RNF150: variants seen among roughly 807,000 people sequenced by gnomAD.
RNF150 encodes the protein ring finger protein 150.
In RNF150, 24 loss-of-function variants were observed where a neutral mutation model predicts 39.3. The observed-to-expected ratio is 0.61, with a 90% CI of 0.44 to 0.86. The LOEUF is 0.86. RNF150 is among the 40% of genes least tolerant of loss of function. The pLI, the probability that RNF150 is intolerant of heterozygous loss-of-function variation, is 0.00. For synonymous variants in RNF150, 255 were observed against 227.3 expected (o/e 1.12, Z -1.10); for missense variants, 502 against 587.8 (o/e 0.85, Z 1.51).
chr4:141,145,233 G>A (rs1012474629), intron 1 of RNF150, among the ~76,000 whole-genome samples: 4 of 152,164 alleles, frequency 2.6e-5, no homozygotes, highest in Non-Finnish European at 5.9e-5. Flanking sequence ...ATAAGATGGT[G>A]TAGAATTTAA....
At chr4:140,996,530 C>A (rs1272027271) in intron 1 of RNF150, among the ~76,000 whole-genome samples, 1 of 152,218 alleles carries the variant, frequency 6.6e-6, no homozygotes, top group Non-Finnish European at 1.5e-5. Flanking sequence ...ATTTAACCTG[C>A]AGCTTCTTCA....
chr4:140,992,086 T>C (rs1734214263), intron 1 of RNF150, among the ~76,000 whole-genome samples: 1 of 152,222 alleles, frequency 6.6e-6, no homozygotes, highest in South Asian at 2.1e-4. Flanking sequence ...ACCTGAGTTG[T>C]CTTTATATAA....
At chr4:140,903,487 G>C (rs1013588536) in intron 6 of RNF150, among the ~76,000 whole-genome samples, 2 of 152,062 alleles carry the variant, frequency 1.3e-5, no homozygotes, top group African/African-American at 4.8e-5. Context: ...ATTTACACGA[G>C]ACCCTCCTCA....
intron 6 of RNF150, among the ~76,000 whole-genome samples, chr4:140,872,554 T>G (rs942347148): frequency 2.2e-5 from 2 of 90,008 alleles, no homozygotes; most frequent in Non-Finnish European, 4.1e-5. Context: ...GTTAGGAAAC[T>G]ATTACAGAAC....
chr4:140,972,842 A>G (rs944133625), intron 1 of RNF150, among the ~76,000 whole-genome samples: 1 of 152,176 alleles, frequency 6.6e-6, no homozygotes, highest in Non-Finnish European at 1.5e-5. Flanking sequence ...TAATGTGATA[A>G]TAAGTATCAT....
At chr4:141,201,816 C>T (rs13435713) in intron 1 of RNF150, among the ~76,000 whole-genome samples, 43,818 of 151,812 alleles carry the variant, frequency 0.29, 6,694 homozygotes, top group African/African-American at 0.39. Flanking sequence ...ACTTTAGAAA[C>T]CTTGTGCTAT....
chr4:141,179,779 C>T (rs1185890800), intron 1 of RNF150, among the ~76,000 whole-genome samples: 1 of 152,122 alleles, frequency 6.6e-6, no homozygotes. Flanking sequence ...AATTAGTACT[C>T]ATTACTGTGG....
intron 1 of RNF150, among the ~76,000 whole-genome samples, chr4:141,025,495 A>G (rs1356264552): frequency 6.6e-6 from 1 of 152,140 alleles, no homozygotes; most frequent in Non-Finnish European, 1.5e-5. Context: ...TTAAAAAAGT[A>G]CTCAAAGATA....
intron 1 of RNF150, among the ~76,000 whole-genome samples, chr4:141,150,685 C>T (rs1727282031): frequency 6.6e-6 from 1 of 152,100 alleles, no homozygotes; most frequent in Admixed American, 6.6e-5. Context: ...TACTCTTTTT[C>T]CCCCAACTGA....
intron 1 of RNF150, among the ~76,000 whole-genome samples, chr4:141,187,967 T>G (rs1728042502): frequency 6.6e-6 from 1 of 152,238 alleles, no homozygotes; most frequent in Admixed American, 6.5e-5. Flanking sequence ...TTTGGTATGT[T>G]TTTCCAGTGG....
intron 1 of RNF150, among the ~76,000 whole-genome samples, chr4:141,076,987 T>C (rs1737919629): frequency 6.6e-6 from 1 of 152,112 alleles, no homozygotes; most frequent in Non-Finnish European, 1.5e-5. Context: ...AAAATGTAAG[T>C]TTCAAGGGTT....
At chr4:141,112,973 T>G (rs1739435512) in intron 1 of RNF150, among the ~76,000 whole-genome samples, 2 of 152,084 alleles carry the variant, frequency 1.3e-5, no homozygotes, top group African/African-American at 4.8e-5. Flanking sequence ...TTTCATTAAG[T>G]TGATCTTCAA....
intron 1 of RNF150, among the ~76,000 whole-genome samples, chr4:141,125,330 C>T (rs565730990): frequency 5.9e-5 from 9 of 152,288 alleles, no homozygotes; most frequent in Admixed American, 3.3e-4. Flanking sequence ...CACAGCACAA[C>T]GCTGCCTTGT....
At chr4:141,121,703 T>C (rs1337891561) in intron 1 of RNF150, among the ~76,000 whole-genome samples, 1 of 152,176 alleles carries the variant, frequency 6.6e-6, no homozygotes, top group African/African-American at 2.4e-5. Context: ...CACTAATTCA[T>C]GATTTAAGCA....
At chr4:141,158,883 T>A (rs1324174499) in intron 1 of RNF150, among the ~76,000 whole-genome samples, 1 of 152,216 alleles carries the variant, frequency 6.6e-6, no homozygotes, top group African/African-American at 2.4e-5. Flanking sequence ...TAATCTGAAA[T>A]TTTGCCATTA....
At chr4:140,917,698 C>T (rs1730897984) in intron 5 of RNF150, among the ~76,000 whole-genome samples, 1 of 152,096 alleles carries the variant, frequency 6.6e-6, no homozygotes, top group African/African-American at 2.4e-5. Flanking sequence ...ACCTAATAGA[C>T]ATCTACAGAA....
At chr4:141,167,309 TG>T (rs1727622469) in intron 1 of RNF150, among the ~76,000 whole-genome samples, 1 of 114,542 alleles carries the variant, frequency 8.7e-6, no homozygotes, top group African/African-American at 2.9e-5. Flanking sequence ...CACAAACAAG[TG>T]GAAAAACAGT....
rs186923605 is a variant in RNF150, at chr4:140,969,608, T to C, written c.485-1735A>G. On this transcript the variant is annotated intron_variant, in intron 1 of 6. Coordinates refer to ENST00000515673, the MANE Select transcript of RNF150 (RefSeq NM_020724.2). The stretch of plus-strand genomic sequence containing the variant: ...CTATTTAGAGTTACTGAAGTAATGG[T>C]AGAATAATAATTTTTCATTTCATTT... Among the ~76,000 whole-genome samples the C allele has an allele frequency of 2.0e-5, 3 of 152,174 alleles. 1 individual carries two copies. Among genetic ancestry groups the C allele is most frequent in the Admixed American group, 2.0e-4 (3 of 15,274 alleles).
At chr4:140,966,998 T>C (rs1331743455) in intron 2 of RNF150, among the ~76,000 whole-genome samples, 1 of 152,168 alleles carries the variant, frequency 6.6e-6, no homozygotes, top group East Asian at 1.9e-4. Flanking sequence ...TTGGCTTATG[T>C]ATTGATGTAA....
Sources: allele counts gnomAD v4.1 joint callset (sites outside exome capture counted in the v4.1 genomes callset), GRCh38; gene constraint gnomAD v4.1.1; transcripts MANE v1.5; gene names NCBI Gene and HGNC (gene_info 2026-07-23, HGNC 2026-07-21).